The following DIP2A variants were observed in gnomAD, a reference collection of about 807,000 sequenced individuals.
The protein encoded by DIP2A is disco-interacting protein 2 homolog A.
A neutral mutation model predicts 177.4 loss-of-function variants in DIP2A; 85 were observed. The ratio of observed to expected loss-of-function variants is 0.48; its 90% CI spans 0.40 to 0.57. The LOEUF is 0.57. Among genes scored for constraint, DIP2A ranks in the 20% least tolerant of loss-of-function variants. The probability of loss-of-function intolerance (pLI) is 0.00; values close to 1 mark genes in which losing one functional copy is unlikely to be tolerated. For synonymous variants in DIP2A, 886 were observed against 881.8 expected (o/e 1.00, Z -0.08); for missense variants, 1,791 against 2,100.2 (o/e 0.85, Z 2.88).
In DIP2A at chr21:46,505,988, T is replaced by C. The variant is rs1601565559; in HGVS notation, c.784+1499T>C. Among the ~76,000 whole-genome samples the C allele has an allele frequency of 2.6e-5, 4 of 152,358 alleles. 1 individual carries two copies. ...TGTTGATGTGTATTTAGGTTGTTTC[T>C]AGTTTGGGCCGGTTACAAGTAAAGC... On this transcript the variant is annotated intron_variant, in intron 6 of 37. Transcript: ENST00000417564.
intron 17 of DIP2A, 137 bp downstream of exon 17, chr21:46,540,128 A>G (rs1387805188): frequency 8.8e-6 from 6 of 682,898 alleles, no homozygotes; most frequent in African/African-American, 3.6e-5. Flanking sequence ...CTGGCCCCCC[A>G]CATTTTGCCG....
intron 8 of DIP2A, among the ~76,000 whole-genome samples, chr21:46,521,880 CA>C (rs749961065): frequency 6.6e-6 from 1 of 150,898 alleles, no homozygotes; most frequent in Non-Finnish European, 1.5e-5. Flanking sequence ...TTAATCTAGG[CA>C]AAAAAAAATC....
At chr21:46,564,983 A>G (rs11911043) in intron 35 of DIP2A, among the ~76,000 whole-genome samples, 19,893 of 152,220 alleles carry the variant, frequency 0.13, 1,840 homozygotes, top group African/African-American at 0.26. Flanking sequence ...GCTCAAGGGA[A>G]ACGCCCCTAT....
chr21:46,565,120 G>A, intron 35 of DIP2A, among the ~76,000 whole-genome samples: 1 of 152,266 alleles, frequency 6.6e-6, no homozygotes, highest in Admixed American at 6.5e-5. Flanking sequence ...TGCAGGCACA[G>A]GCCTCTGGTC....
chr21:46,487,967 T>G (rs1472468050), intron 2 of DIP2A, among the ~76,000 whole-genome samples: 1 of 152,190 alleles, frequency 6.6e-6, no homozygotes, highest in African/African-American at 2.4e-5. Context: ...AGTGACCCAT[T>G]AGAAGAGGCA....
chr21:46,543,716 A>T (rs1400616406), intron 18 of DIP2A, among the ~76,000 whole-genome samples: 1 of 152,156 alleles, frequency 6.6e-6, no homozygotes, highest in Non-Finnish European at 1.5e-5. Flanking sequence ...TCAAGTGTGT[A>T]TGTGGTGCTT....
At chr21:46,550,873 C>G in intron 23 of DIP2A, 129 bp downstream of exon 23, 1 of 980,062 alleles carries the variant, frequency 1.0e-6, no homozygotes, top group South Asian at 1.6e-5. Context: ...GGTCAAGAGC[C>G]AGAGCGAGTG....
the DIP2A span, among the ~76,000 whole-genome samples, chr21:46,579,769 G>A: frequency 6.6e-6 from 1 of 152,178 alleles, no homozygotes; most frequent in Non-Finnish European, 1.5e-5. Context: ...GGTTTTGAGT[G>A]AGCTTCTTAA....
rs959101706 is a variant in DIP2A at position 46,508,722 on chromosome 21, C to T, written c.785-535C>T. On this transcript the variant is annotated intron_variant, in intron 6 of 37. Coordinates refer to ENST00000417564, the MANE Select transcript of DIP2A (RefSeq NM_015151.4). ...CTTGGATGCCCCAGGGGTCCCTGGA[C>T]CATTTAAAAAACTGCTTAGGCCGGG... 4.8e-4 allele frequency among the ~76,000 whole-genome samples: 73 copies of T among 151,918 alleles called. 1 individual carries two copies. Among genetic ancestry groups the T allele is most frequent in the Admixed American group, 4.8e-3 (73 of 15,258 alleles).
intron 6 of DIP2A, 31 bp from the exon 7 acceptor site, chr21:46,509,226 C>T (rs1295639026): frequency 3.8e-6 from 6 of 1,598,350 alleles, no homozygotes; most frequent in South Asian, 1.1e-5. Flanking sequence ...TGTGTCCTGG[C>T]CTCAGTGCTC....
At position 46,477,543 on chromosome 21, in the gene DIP2A, T is replaced by TTGTGTGTGTGTGTGTGTGTG. The variant is rs1555874551; in HGVS notation, c.92-7208_92-7189dup. Among the ~76,000 whole-genome samples the TTGTGTGTGTGTGTGTGTGTG allele has an allele frequency of 1.3e-3, 109 of 87,098 alleles. 6 individuals carry two copies. The highest frequency in any genetic ancestry group is 2.0e-3 in the African/African-American group (47 of 23,220). 57.1% of individuals were successfully genotyped at this position (87,098 alleles called of 152,430 possible). On this transcript the variant is annotated intron_variant, in intron 1 of 37. Coordinates refer to ENST00000417564, the MANE Select transcript of DIP2A (RefSeq NM_015151.4). ...CTCCGCCTAAAATAAAAAAAAAGAT[T>TTGTGTGTGTGTGTGTGTGTG]TGTGTGTGTGTGTGTGTGTGTGTGT... is the stretch of plus-strand genomic sequence containing the variant.
chr21:46,554,676 A>AC lies in DIP2A; in HGVS notation c.3258dup (p.Val1087ArgfsTer45). ...TCAGAACCTCGGCACCACACTGCCC[A>AC]CCGTCAAGATGATCGTGGAGGTGCG... On this transcript the variant is annotated frameshift_variant, in exon 27 of 38. Transcript: ENST00000417564. LOFTEE classifies it high-confidence loss of function. The AC allele has an allele frequency of 6.4e-7, 1 of 1,572,832 alleles. No individual in the cohort carries two copies. Among genetic ancestry groups the AC allele is most frequent in the East Asian group, 2.4e-5 (1 of 42,402 alleles).
chr21:46,490,551 G>C (rs1249399192), intron 2 of DIP2A, 49 bp from the exon 3 acceptor site: 1 of 1,518,540 alleles, frequency 6.6e-7, no homozygotes, highest in South Asian at 1.3e-5. Context: ...TTTCATAATT[G>C]GAAAAGCAAA....
chr21:46,502,131 G>A (rs1458338588), intron 5 of DIP2A, among the ~76,000 whole-genome samples: 2 of 152,152 alleles, frequency 1.3e-5, no homozygotes, highest in East Asian at 1.9e-4. Context: ...ACATAGACTA[G>A]TGTTTATTTA....
At chr21:46,507,496 T>C (rs2058072498) in intron 6 of DIP2A, among the ~76,000 whole-genome samples, 1 of 152,098 alleles carries the variant, frequency 6.6e-6, no homozygotes. Context: ...TTCCTTGGCA[T>C]CTTTAATGAA....
intron 12 of DIP2A, 56 bp from the exon 13 acceptor site, chr21:46,534,529 G>C: frequency 6.6e-7 from 1 of 1,510,584 alleles, no homozygotes; most frequent in Non-Finnish European, 9.1e-7. Flanking sequence ...TTTCCATTCT[G>C]TCTGTTGTCA....
intron 1 of DIP2A, among the ~76,000 whole-genome samples, chr21:46,468,858 A>G (rs949814337): frequency 1.3e-5 from 2 of 152,252 alleles, no homozygotes; most frequent in Non-Finnish European, 2.9e-5. Flanking sequence ...TCGATTTAAA[A>G]AAAGAAATAT....
chr21:46,533,154 C>T (rs1360530735), intron 10 of DIP2A, among the ~76,000 whole-genome samples: 1 of 152,194 alleles, frequency 6.6e-6, no homozygotes, highest in African/African-American at 2.4e-5. Context: ...GACCAGGCCT[C>T]TCTAGATTAA....
intron 3 of DIP2A, among the ~76,000 whole-genome samples, chr21:46,494,867 G>A (rs750954588): frequency 6.6e-5 from 10 of 152,118 alleles, no homozygotes; most frequent in Admixed American, 5.2e-4. Context: ...TTGGCTGTTA[G>A]GATAAGAAGT....
Sources: gnomAD v4.1 joint callset for allele counts (sites outside exome capture counted in the v4.1 genomes callset) on GRCh38, gnomAD v4.1.1 for gene constraint, MANE v1.5 for transcripts, NCBI Gene and HGNC (gene_info 2026-07-23, HGNC 2026-07-21) for gene names.